Variants in NAT9 observed in about 807,000 individuals in gnomAD.
NAT9 encodes alpha/beta-tubulin-N-acetyltransferase 9.
Under a neutral mutation model 24.0 loss-of-function variants are expected in NAT9, and 18 were observed. The observed-to-expected ratio is 0.75, with a 90% confidence interval of 0.52 to 1.11. NAT9 has a LOEUF of 1.11. Ranked by LOEUF, NAT9 falls within the 50% of genes most tolerant of loss-of-function variation. The probability of loss-of-function intolerance (pLI) is 0.00; values close to 1 mark genes in which losing one functional copy is unlikely to be tolerated. For synonymous variants in NAT9, 104 were observed against 102.3 expected, an observed-to-expected ratio of 1.02 and a Z score of -0.10; for missense variants, 254 against 258.6, an observed-to-expected ratio of 0.98 and a Z score of 0.12.
chr17:74,775,173 G>GTTTTTGTT (rs1567848506), intron 2 of NAT9, among the ~76,000 whole-genome samples: 3 of 147,620 alleles, frequency 2.0e-5, no homozygotes, highest in African/African-American at 7.6e-5. Flanking sequence ...GTTTTTGTTT[G>GTTTTTGTT]TTTTTGTTTT....
chr17:74,775,744 C>T (rs1598396997), intron 1 of NAT9, 37 bp from the exon 2 acceptor site: 4 of 1,578,546 alleles, frequency 2.5e-6, no homozygotes, highest in Non-Finnish European at 3.5e-6. Flanking sequence ...CTTCAGGACC[C>T]TGAATTTCCT....
chr17:74,771,712 A>G lies in NAT9; in HGVS notation c.*12T>C. On this transcript the variant is annotated 3_prime_UTR_variant, in exon 7 of 7. Transcript: ENST00000357814. ...CTGCTCACACAGAGTGGCTGCCCAC[A>G]AGGCCCAGCCATCAGCAGGGCTCTG... 6.2e-7 allele frequency: 1 copy of G among 1,613,216 alleles called. No homozygotes were observed. Among genetic ancestry groups the G allele is most frequent in the Non-Finnish European group, 8.5e-7 (1 of 1,180,002 alleles).
At position 74,772,930 on chromosome 17, in the gene NAT9, G is replaced by A. The variant is rs771350052; in HGVS notation, c.300C>T (p.Asp100=). Residue 100 remains aspartate (D), a synonymous_variant, in exon 4 of 7, where the codon GAC becomes GAT. Transcript: ENST00000357814. ...DVNLFLTDLE[D]LTLGEIEVMI... ...TGACCTCGATCTCCCCCAAGGTGAG[G>A]TCTTCTAGATCTGTGAGGAAGAGGT... is the stretch of plus-strand genomic sequence containing the variant. 1 of 1,614,210 alleles carries A rather than the reference G, an allele frequency of 6.2e-7. No individual in the cohort carries two copies. The highest frequency in any genetic ancestry group is 8.5e-7 in the Non-Finnish European group (1 of 1,180,042).
Position 74,771,951 on chromosome 17 carries a change from C to T in NAT9, c.489+9G>A, listed in dbSNP as rs748866591. ...GTCTAAGCCCCACTCTGCCCCAGGA[C>T]ATCCTTACCTGCTCAAAGTGAAGTT... On this transcript the variant is annotated intron_variant, in intron 6 of 6. Coordinates refer to ENST00000357814, the MANE Select transcript of NAT9 (RefSeq NM_015654.5). 2 of 1,614,136 alleles carry T rather than the reference C, an allele frequency of 1.2e-6. No individual in the cohort carries two copies. The highest frequency in any genetic ancestry group is 2.7e-5 in the African/African-American group (2 of 74,948).
intron 2 of NAT9, 22 bp from the exon 3 acceptor site, chr17:74,773,710 A>C: frequency 6.2e-7 from 1 of 1,605,032 alleles, no homozygotes; most frequent in Non-Finnish European, 8.5e-7. Context: ...GGGTGGCTTT[A>C]GACATGGAGG....
In NAT9 at chr17:74,771,523, A is replaced by ACTGGCC. The variant is rs572266233; in HGVS notation, c.*195_*200dup. The ACTGGCC allele has an allele frequency of 6.7e-4, 527 of 792,052 alleles. 3 individuals are homozygous for ACTGGCC. In the African/African-American group the frequency reaches 7.8e-3, roughly 12 times the overall value. 49.1% of individuals were successfully genotyped at this position (792,052 alleles called of 1,614,324 possible). A position where few individuals can be genotyped will look rare whatever the true frequency, so the allele number is the denominator to read the frequency against. ...GGTTTGGCCGGGAGGGGAGAAGGGAACTGGCCCTGGCCCTGGAGTCTGCTC... is the reference window on the plus strand; with the variant it reads ...GGTTTGGCCGGGAGGGGAGAAGGGAACTGGCCCTGGCCCTGGCCCTGGAGTCTGCTC... On this transcript the variant is annotated 3_prime_UTR_variant, in exon 7 of 7. Transcript: ENST00000357814.
At position 74,772,909 on chromosome 17, in the gene NAT9, C is replaced by T; in HGVS notation, c.321G>A (p.Glu107=). Reference sequence around the variant, plus strand: ...GGTGAAACAAACCTGCAATCATGACCTCGATCTCCCCCAAGGTGAGGTCTT... The same window carrying T: ...GGTGAAACAAACCTGCAATCATGACTTCGATCTCCCCCAAGGTGAGGTCTT... The part of the protein sequence containing the change: ...DLEDLTLGEI[E]VMIAEPSCRG... The change falls in exon 4 of 7, where the codon GAG becomes GAA. Residue 107 remains glutamate (E), a synonymous_variant. Transcript: ENST00000357814. The T allele has an allele frequency of 6.2e-7, 1 of 1,614,182 alleles. No individual in the cohort carries two copies. The highest frequency in any genetic ancestry group is 8.5e-7 in the Non-Finnish European group (1 of 1,180,026).
At position 74,775,665 on chromosome 17, in the gene NAT9, T is replaced by G; in HGVS notation, c.34A>C (p.Lys12Gln). Residue 12 changes from lysine (K) to glutamine (Q), a missense_variant, in exon 2 of 7, where the codon AAG (lysine) becomes CAG (glutamine). Lys to Gln is a moderately conservative substitution (Grantham distance 53). Transcript: ENST00000357814. ...GTGTAGGGTACAAGGACCACCTTCT[T>G]CCCCAGCAGCAAGGTGTTCTGATTC... is the stretch of plus-strand genomic sequence containing the variant. ...RLNQNTLLLG[K>Q]KVVLVPYTSE... is the part of the protein sequence containing the mutation. 6.2e-7 allele frequency: 1 copy of G among 1,614,022 alleles called. No individual in the cohort carries two copies.
chr17:74,772,949 A>G lies in NAT9; in HGVS notation c.281T>C (p.Phe94Ser). 6.2e-7 allele frequency: 1 copy of G among 1,614,122 alleles called. No homozygotes were observed. The highest frequency in any genetic ancestry group is 8.5e-7 in the Non-Finnish European group (1 of 1,180,018). ...GGTGAGGTCTTCTAGATCTGTGAGG[A>G]AGAGGTTCACATCTCCCACCATGCA... The part of the protein sequence containing the change: ...ESCMVGDVNL[F>S]LTDLEDLTLG... The change falls in exon 4 of 7, where the codon TTC becomes TCC. Residue 94 changes from phenylalanine to serine, a missense_variant. Transcript: ENST00000357814.
intron 6 of NAT9, 30 bp downstream of exon 6, chr17:74,771,930 A>G (rs964679612): frequency 1.2e-6 from 2 of 1,614,180 alleles, no homozygotes; most frequent in East Asian, 2.2e-5. Flanking sequence ...ACCCAGGTCT[A>G]AGCCCCACTC....
intron 2 of NAT9, among the ~76,000 whole-genome samples, chr17:74,775,099 C>A (rs2035830336): frequency 6.6e-6 from 1 of 152,136 alleles, no homozygotes; most frequent in Non-Finnish European, 1.5e-5. Context: ...TCATGATCCA[C>A]CCGCCTCAGC....
At chr17:74,774,802 G>A (rs556292939) in intron 2 of NAT9, among the ~76,000 whole-genome samples, 231 of 151,892 alleles carry the variant, frequency 1.5e-3, no homozygotes, top group Non-Finnish European at 2.9e-3. Flanking sequence ...CGCCTGCCTC[G>A]GTCTCCCAAA....
chr17:74,773,230 A>C, intron 3 of NAT9, 191 bp from the exon 4 acceptor site: 1 of 684,742 alleles, frequency 1.5e-6, no homozygotes, highest in Non-Finnish European at 2.4e-6. Flanking sequence ...AGCCTCTCCA[A>C]CCAGCAACCA....
In NAT9 at chr17:74,773,134, G is replaced by C. The variant is rs1202087602; in HGVS notation, c.191-95C>G. On this transcript the variant is annotated intron_variant, in intron 3 of 6. Transcript: ENST00000357814. Reference sequence around the variant, plus strand: ...CAAGCCAGAGCACTGCAGAACACCAGCATCTCTGAGTCTGCCAGGAGAAGA... The same window carrying C: ...CAAGCCAGAGCACTGCAGAACACCACCATCTCTGAGTCTGCCAGGAGAAGA... 5 of 1,413,528 alleles carry C rather than the reference G, an allele frequency of 3.5e-6. No individual in the cohort carries two copies. In the African/African-American group the frequency reaches 7.2e-5, roughly 20 times the overall value. The allele number at this position is 1,413,528 out of a possible 1,614,324, so 87.6% of individuals were successfully genotyped here.
At position 74,771,573 on chromosome 17, in the gene NAT9, G is replaced by C. The variant is rs2035205093; in HGVS notation, c.*151C>G. On this transcript the variant is annotated 3_prime_UTR_variant, in exon 7 of 7. Transcript: ENST00000357814. ...CAGCCACACCACTAGCTGGAGGGAG[G>C]CCACAGCAAGCCCCGCCAGAGTCTG... The C allele has an allele frequency of 8.1e-7, 1 of 1,240,268 alleles. No individual in the cohort carries two copies. Among genetic ancestry groups the C allele is most frequent in the African/African-American group, 1.5e-5 (1 of 66,318 alleles). The allele number at this position is 1,240,268 out of a possible 1,614,324, so 76.8% of individuals were successfully genotyped here.
chr17:74,772,047 GGT>G lies in NAT9; in HGVS notation c.400_401del (p.Thr134HisfsTer8). 6.2e-7 allele frequency: 1 copy of G among 1,614,176 alleles called. No homozygotes were observed. Among genetic ancestry groups the G allele is most frequent in the Non-Finnish European group, 8.5e-7 (1 of 1,180,032 alleles). ...AVLAMLSYGVTTLGLTKFEAK... is the reference protein window; with the variant it reads ...AVLAMLSYGVXTLGLTKFEAK... ...CCTCAAACTTGGTCAGACCTAGCGT[GGT>G]CACTCCTCGCAGAGGAGATGAGACA... On this transcript the variant is annotated frameshift_variant, in exon 6 of 7. Transcript: ENST00000357814. LOFTEE classifies it high-confidence loss of function.
At chr17:74,772,694 A>G (rs566779339) in intron 4 of NAT9, 4 of 1,132,862 alleles carry the variant, frequency 3.5e-6, no homozygotes, top group South Asian at 1.7e-5. Flanking sequence ...ACGCCTAAGC[A>G]TAAGGACTAA....
chr17:74,771,527 G>A lies in NAT9; in HGVS notation c.*197C>T. 1 of 820,700 alleles carries A rather than the reference G, an allele frequency of 1.2e-6. No homozygotes were observed. Among genetic ancestry groups the A allele is most frequent in the Non-Finnish European group, 1.9e-6 (1 of 538,958 alleles). The allele number at this position is 820,700 out of a possible 1,614,324, so 50.8% of individuals were successfully genotyped here. On this transcript the variant is annotated 3_prime_UTR_variant, in exon 7 of 7. Coordinates refer to ENST00000357814, the MANE Select transcript of NAT9 (RefSeq NM_015654.5). Reference sequence around the variant, plus strand: ...TGGCCGGGAGGGGAGAAGGGAACTGGCCCTGGCCCTGGAGTCTGCTCAGCC... The same window carrying A: ...TGGCCGGGAGGGGAGAAGGGAACTGACCCTGGCCCTGGAGTCTGCTCAGCC...
Position 74,771,492 on chromosome 17 carries a change from G to T in NAT9, c.*232C>A. The T allele has an allele frequency of 1.6e-6, 1 of 626,296 alleles. No homozygotes were observed. Among genetic ancestry groups the T allele is most frequent in the South Asian group, 2.0e-5 (1 of 48,994 alleles). The allele number at this position is 626,296 out of a possible 1,614,324, so 38.8% of individuals were successfully genotyped here. Reference sequence around the variant, plus strand: ...CTCCATTCCAGCTTCCTAGAGTCTGGGTCTGGGTTTGGCCGGGAGGGGAGA... The same window carrying T: ...CTCCATTCCAGCTTCCTAGAGTCTGTGTCTGGGTTTGGCCGGGAGGGGAGA... On this transcript the variant is annotated 3_prime_UTR_variant, in exon 7 of 7. Transcript: ENST00000357814.
Sources: allele counts gnomAD v4.1 joint callset (sites outside exome capture counted in the v4.1 genomes callset), GRCh38; gene constraint gnomAD v4.1.1; transcripts MANE v1.5; gene names NCBI Gene and HGNC (gene_info 2026-07-23, HGNC 2026-07-21).